Variants in BRDT observed in about 807,000 individuals in gnomAD.
The protein encoded by BRDT is bromodomain testis associated, also known as bromodomain testis-specific protein.
Under a neutral mutation model 113.9 loss-of-function variants are expected in BRDT, and 77 were observed. That is an observed-to-expected ratio of 0.68 (90% confidence interval 0.56 to 0.82). BRDT has a LOEUF of 0.82. Ranked by LOEUF, BRDT falls within the 40% of genes least tolerant of loss-of-function variation. The pLI is 0.00. For missense variants in BRDT, 1,027 were observed against 1,105.4 expected (o/e 0.93, Z 1.01); for synonymous variants, 358 against 366.5 (o/e 0.98, Z 0.26).
chr1:91,956,593 C>T (rs1215686922), intron 1 of BRDT, among the ~76,000 whole-genome samples: 3 of 152,132 alleles, frequency 2.0e-5, no homozygotes, highest in Admixed American at 1.3e-4. Flanking sequence ...GGCCATCATA[C>T]AGCACAGCTC....
chr1:91,981,373 A>G lies in BRDT; in HGVS notation c.1856A>G (p.Gln619Arg), dbSNP rs750263048. Residue 619 changes from glutamine (Q) to arginine (R), a missense_variant, in exon 11 of 19, where the codon CAA becomes CGA. Gln to Arg is a conservative substitution (Grantham distance 43). Transcript: ENST00000399546. ...AATCAGTTAAATTCTAGAAAACGTC[A>G]AACAAAATGTAGGTGGCAGTTTTTG... ...VNNQLNSRKR[Q>R]TKSDKTQPSK... 1 of 1,612,426 alleles carries G rather than the reference A, an allele frequency of 6.2e-7. No homozygotes were observed. Among genetic ancestry groups the G allele is most frequent in the Admixed American group, 1.7e-5 (1 of 59,902 alleles).
intron 4 of BRDT, among the ~76,000 whole-genome samples, chr1:91,975,687 C>G (rs1210494169): frequency 1.3e-5 from 2 of 152,142 alleles, no homozygotes; most frequent in African/African-American, 4.8e-5. Context: ...ATAGAGTTGC[C>G]TTGATGGAAG....
intron 16 of BRDT, among the ~76,000 whole-genome samples, chr1:92,003,233 T>C (rs1029810203): frequency 2.6e-5 from 4 of 152,202 alleles, no homozygotes; most frequent in African/African-American, 7.2e-5. Context: ...AGGATAGAAA[T>C]AAAAGGCCTA....
rs199681753 is a variant in BRDT, at chr1:91,978,211, C to G, written c.1013C>G (p.Ala338Gly). Residue 338 changes from alanine to glycine, a missense_variant, in exon 7 of 19, where the codon GCG (alanine) becomes GGG (glycine). Physicochemically the swap from Ala to Gly is moderately conservative, Grantham distance 60 (BLOSUM62 0). Coordinates refer to ENST00000399546, the MANE Select transcript of BRDT (RefSeq NM_207189.4). ...NQEYKDAYKF[A>G]ADVRLMFMNC... ...GAATATAAGGATGCATACAAATTTG[C>G]GGCAGATGTTAGATTAATGTTCATG... 3.7e-6 allele frequency: 6 copies of G among 1,613,484 alleles called. No individual in the cohort carries two copies. Among genetic ancestry groups the G allele is most frequent in the Middle Eastern group, 1.7e-4 (1 of 6,060 alleles).
At position 91,979,756 on chromosome 1, in the gene BRDT, A is replaced by T. The variant is rs1684542300; in HGVS notation, c.1286A>T (p.Gln429Leu). 1 of 1,598,238 alleles carries T rather than the reference A, an allele frequency of 6.3e-7. No homozygotes were observed. The highest frequency in any genetic ancestry group is 8.5e-7 in the Non-Finnish European group (1 of 1,175,830). ...AAGCGTCTTGCAAAGCTTCAGGAGC[A>T]GGTAGTTGATTGTATTGATACAAAT... Reference protein sequence around the residue: ...RVKRLAKLQEQLKAVHQQLQV... With the variant: ...RVKRLAKLQELLKAVHQQLQV... Residue 429 changes from glutamine (Q) to leucine (L), a missense_variant and splice_region_variant, in exon 8 of 19, where the codon CAG (glutamine) becomes CTG (leucine). Coordinates refer to ENST00000399546, the MANE Select transcript of BRDT (RefSeq NM_207189.4).
At chr1:92,012,320 G>A (rs1464172013) in intron 18 of BRDT, among the ~76,000 whole-genome samples, 1 of 151,576 alleles carries the variant, frequency 6.6e-6, no homozygotes, top group African/African-American at 2.4e-5. Context: ...AAAAATCATG[G>A]TATCTAAGGT....
At chr1:92,002,379 T>G (rs1446657183) in intron 16 of BRDT, among the ~76,000 whole-genome samples, 1 of 152,140 alleles carries the variant, frequency 6.6e-6, no homozygotes, top group Admixed American at 6.5e-5. Context: ...GTTGTTTTTT[T>G]TTGAGATGGA....
chr1:91,987,943 G>A (rs538279813), intron 12 of BRDT, among the ~76,000 whole-genome samples: 18 of 151,844 alleles, frequency 1.2e-4, no homozygotes, highest in East Asian at 5.9e-4. Flanking sequence ...TCTGCCTCCC[G>A]GCTTCAAGCA....
Position 91,980,823 on chromosome 1 carries a change from T to C in BRDT, c.1460+8T>C. ...GGAAAAGTCCAAGAGAAAGTAAGTA[T>C]CTTTTATTATGATAGCTTATTAAGA... is the stretch of plus-strand genomic sequence containing the variant. On this transcript the variant is annotated splice_region_variant and intron_variant, in intron 9 of 18. Coordinates refer to ENST00000399546, the MANE Select transcript of BRDT (RefSeq NM_207189.4). 6.3e-7 allele frequency: 1 copy of C among 1,588,982 alleles called. No homozygotes were observed. The highest frequency in any genetic ancestry group is 8.5e-7 in the Non-Finnish European group (1 of 1,173,486).
upstream of BRDT, chr1:91,949,386 C>G (rs563266289): frequency 5.3e-5 from 8 of 152,264 alleles, no homozygotes; most frequent in Non-Finnish European, 1.0e-4. Flanking sequence ...AAGCGCCTGT[C>G]GCGCGACCGC....
chr1:91,990,125 G>A (rs1479124174), intron 12 of BRDT, among the ~76,000 whole-genome samples: 3 of 152,178 alleles, frequency 2.0e-5, no homozygotes, highest in Non-Finnish European at 2.9e-5. Context: ...TGACTGGGGA[G>A]GATAGCATCA....
intron 15 of BRDT, 148 bp downstream of exon 15, chr1:91,994,402 T>C: frequency 1.4e-6 from 1 of 690,920 alleles, no homozygotes; most frequent in Non-Finnish European, 2.4e-6. Context: ...AAATAATCAC[T>C]GAAGCACATC....
chr1:91,956,968 C>T (rs905130282), intron 1 of BRDT, among the ~76,000 whole-genome samples: 1 of 152,032 alleles, frequency 6.6e-6, no homozygotes, highest in Non-Finnish European at 1.5e-5. Flanking sequence ...GAAATAAAAT[C>T]TTGATTACAT....
intron 18 of BRDT, among the ~76,000 whole-genome samples, chr1:92,008,480 A>G (rs1215229381): frequency 6.6e-6 from 1 of 152,130 alleles, no homozygotes; most frequent in Non-Finnish European, 1.5e-5. Context: ...CTCCCCCACC[A>G]TCAATGTCAA....
chr1:91,974,157 C>T (rs1462909539), intron 4 of BRDT, among the ~76,000 whole-genome samples: 8 of 152,210 alleles, frequency 5.3e-5, no homozygotes, highest in East Asian at 1.9e-4. Context: ...AAGACTTAAA[C>T]GTTAGACCTA....
rs187436796 is a variant in BRDT at position 91,980,767 on chromosome 1, C to T, written c.1412C>T (p.Pro471Leu). The change falls in exon 9 of 19, where the codon CCA becomes CTA. Residue 471 changes from proline (P) to leucine (L), a missense_variant. Pro to Leu is a moderately conservative substitution (Grantham distance 98, BLOSUM62 -3). Transcript: ENST00000399546. ...KEKVNNSNENPRKMCEQMRLK... is the reference protein window; with the variant it reads ...KEKVNNSNENLRKMCEQMRLK... ...AAGGTTAATAACAGCAATGAAAATC[C>T]AAGAAAAATGTGTGAGCAAATGAGG... 1 of 1,602,784 alleles carries T rather than the reference C, an allele frequency of 6.2e-7. No individual in the cohort carries two copies. The highest frequency in any genetic ancestry group is 1.7e-5 in the Admixed American group (1 of 57,326).
At chr1:91,980,559 T>C in intron 8 of BRDT, 84 bp from the exon 9 acceptor site, 3 of 1,184,794 alleles carry the variant, frequency 2.5e-6, no homozygotes, top group East Asian at 2.7e-5. Context: ...AAGACATTCT[T>C]GACTTTGGAG....
intron 1 of BRDT, among the ~76,000 whole-genome samples, chr1:91,953,379 G>T (rs1681341992): frequency 6.6e-6 from 1 of 152,112 alleles, no homozygotes; most frequent in Non-Finnish European, 1.5e-5. Flanking sequence ...TAATCACTGA[G>T]GGAATTCAAA....
chr1:91,981,224 T>C (rs1684695121), intron 10 of BRDT, 44 bp from the exon 11 acceptor site: 1 of 1,608,580 alleles, frequency 6.2e-7, no homozygotes, highest in Admixed American at 1.7e-5. Context: ...GTATTTATGT[T>C]GGTTTTTGGT....
Sources: allele counts gnomAD v4.1 joint callset (sites outside exome capture counted in the v4.1 genomes callset), GRCh38; gene constraint gnomAD v4.1.1; transcripts MANE v1.5; gene names NCBI Gene and HGNC (gene_info 2026-07-23, HGNC 2026-07-21).